RTN4RL1: variants seen among roughly 807,000 people sequenced by gnomAD.
The protein encoded by RTN4RL1 is reticulon-4 receptor-like 1.
A neutral mutation model predicts 25.6 loss-of-function variants in RTN4RL1; 7 were observed. That is an observed-to-expected ratio of 0.27 (90% confidence interval 0.16 to 0.51). The LOEUF (loss-of-function observed/expected upper bound fraction) is 0.51, where lower values mean the gene tolerates loss of function less well. RTN4RL1 is among the 20% of genes least tolerant of loss of function. The pLI is 0.97. For missense variants in RTN4RL1, 500 were observed against 615.6 expected, an observed-to-expected ratio of 0.81 and a Z score of 1.99; for synonymous variants, 297 against 288.2, an observed-to-expected ratio of 1.03 and a Z score of -0.31.
chr17:1,949,861 C>T (rs986650833), intron 1 of RTN4RL1, among the ~76,000 whole-genome samples: 4 of 152,232 alleles, frequency 2.6e-5, no homozygotes, highest in African/African-American at 7.2e-5. Context: ...GAGGGCCTCC[C>T]TCCCTGGGCG....
chr17:1,967,268 C>T (rs1416665334), intron 1 of RTN4RL1, among the ~76,000 whole-genome samples: 1 of 144,360 alleles, frequency 6.9e-6, no homozygotes, highest in Non-Finnish European at 1.6e-5. Flanking sequence ...ACAAAACAAA[C>T]AAAACACTGT....
At chr17:2,008,749 G>A (rs899345433) in intron 1 of RTN4RL1, among the ~76,000 whole-genome samples, 4 of 152,148 alleles carry the variant, frequency 2.6e-5, no homozygotes, top group East Asian at 1.9e-4. Context: ...ACGGGTTGTC[G>A]CGTTGCTCTC....
intron 1 of RTN4RL1, among the ~76,000 whole-genome samples, chr17:1,940,662 G>A (rs1249972923): frequency 6.6e-6 from 1 of 152,090 alleles, no homozygotes; most frequent in African/African-American, 2.4e-5. Context: ...GGGCTGGGAG[G>A]GGGCCCCAAC....
chr17:1,946,226 C>G (rs1567849838), intron 1 of RTN4RL1, among the ~76,000 whole-genome samples: 1 of 152,240 alleles, frequency 6.6e-6, no homozygotes, highest in Non-Finnish European at 1.5e-5. Context: ...CAGGACAGGT[C>G]AGTCATCCAG....
At chr17:1,944,988 T>C (rs1229912244) in intron 1 of RTN4RL1, among the ~76,000 whole-genome samples, 3 of 152,142 alleles carry the variant, frequency 2.0e-5, no homozygotes, top group African/African-American at 7.2e-5. Context: ...AGAGGCCCAG[T>C]TGGATCTGAG....
intron 1 of RTN4RL1, among the ~76,000 whole-genome samples, chr17:2,024,579 C>T (rs538523750): frequency 6.6e-6 from 1 of 152,202 alleles, no homozygotes; most frequent in Non-Finnish European, 1.5e-5. Context: ...CCCCTTCCAC[C>T]ACCGGCCGCT....
chr17:1,970,178 C>T (rs919920281), intron 1 of RTN4RL1, among the ~76,000 whole-genome samples: 6 of 152,122 alleles, frequency 3.9e-5, no homozygotes, highest in Admixed American at 2.6e-4. Flanking sequence ...CATGCCACCA[C>T]GCCTGGCCAA....
At chr17:1,942,441 G>A (rs1358213064) in intron 1 of RTN4RL1, among the ~76,000 whole-genome samples, 1 of 152,254 alleles carries the variant, frequency 6.6e-6, no homozygotes, top group East Asian at 1.9e-4. Flanking sequence ...CCAAGAGCAG[G>A]CAGTCTGGCC....
intron 1 of RTN4RL1, among the ~76,000 whole-genome samples, chr17:1,981,827 G>A (rs1314347984): frequency 6.6e-6 from 1 of 152,242 alleles, no homozygotes; most frequent in African/African-American, 2.4e-5. Flanking sequence ...TCTGAGAAAT[G>A]TATCATCAGA....
intron 1 of RTN4RL1, among the ~76,000 whole-genome samples, chr17:1,976,921 G>A (rs1433963836): frequency 1.3e-5 from 2 of 152,206 alleles, no homozygotes; most frequent in East Asian, 1.9e-4. Context: ...TTGATAACAT[G>A]AGATCAAATG....
Position 2,025,154 on chromosome 17 carries a change from C to G in RTN4RL1, c.-289G>C. The stretch of plus-strand genomic sequence containing the variant: ...CCGCGGAGCCGGCGGCCTGCTTCTG[C>G]CACCCGGAGCACTTCGCAGGCGGTT... On this transcript the variant is annotated 5_prime_UTR_variant, in exon 1 of 2. Coordinates refer to ENST00000331238, the MANE Select transcript of RTN4RL1 (RefSeq NM_178568.4). This position sits in a 1 kb window ranked among gnomAD's most constrained non-coding sequence, Gnocchi z 4.8. 1 of 297,472 alleles carries G rather than the reference C, an allele frequency of 3.4e-6. No individual in the cohort carries two copies. Among genetic ancestry groups the G allele is most frequent in the Non-Finnish European group, 6.2e-6 (1 of 161,564 alleles). 18.4% of individuals were successfully genotyped at this position (297,472 alleles called of 1,614,324 possible).
chr17:1,975,446 T>C (rs1259639420), intron 1 of RTN4RL1, among the ~76,000 whole-genome samples: 2 of 151,906 alleles, frequency 1.3e-5, no homozygotes, highest in East Asian at 3.9e-4. Flanking sequence ...AGGTCAGGAG[T>C]TGGAGACCAG....
chr17:1,979,035 C>T (rs563208049), intron 1 of RTN4RL1, among the ~76,000 whole-genome samples: 13 of 152,354 alleles, frequency 8.5e-5, no homozygotes, highest in African/African-American at 2.9e-4. Flanking sequence ...CACTTTGGGA[C>T]GCCTAGGCGA....
At chr17:1,989,097 C>T (rs1400493366) in intron 1 of RTN4RL1, among the ~76,000 whole-genome samples, 4 of 152,080 alleles carry the variant, frequency 2.6e-5, no homozygotes, top group Non-Finnish European at 5.9e-5. Context: ...GTAATCTAGA[C>T]CACCAATCAG....
Position 1,936,978 on chromosome 17 carries a change from A to G in RTN4RL1, c.844T>C (p.Cys282Arg). ...CCGTGCCGCAGCCCAGGGGACACAC[A>G]GGGGACAGCGGAGCTGGAGCCCCGG... ...RFRGSSSAVP[C>R]VSPGLRHGQD... is the part of the protein sequence containing the mutation. The change falls in exon 2 of 2, where the codon TGT (cysteine) becomes CGT (arginine). Residue 282 changes from cysteine to arginine, a missense_variant. Around this residue, in one of 2 missense-constraint regions of RTN4RL1, gnomAD observed 268 missense variants for 274.5 expected, o/e 0.98. Transcript: ENST00000331238. The G allele has an allele frequency of 6.2e-7, 1 of 1,606,400 alleles. No individual in the cohort carries two copies. The highest frequency in any genetic ancestry group is 1.7e-5 in the Admixed American group (1 of 59,462).
At chr17:1,972,951 C>T (rs543974216) in intron 1 of RTN4RL1, among the ~76,000 whole-genome samples, 3 of 152,164 alleles carry the variant, frequency 2.0e-5, no homozygotes, top group Admixed American at 1.3e-4. Context: ...ATGCAGAGTC[C>T]GACCCCCACC....
Position 2,024,955 on chromosome 17 carries a change from A to C in RTN4RL1, c.-90T>G. The C allele has an allele frequency of 7.2e-7, 1 of 1,386,832 alleles. No homozygotes were observed. The highest frequency in any genetic ancestry group is 9.9e-7 in the Non-Finnish European group (1 of 1,014,332). The allele number at this position is 1,386,832 out of a possible 1,614,324, so 85.9% of individuals were successfully genotyped here. On this transcript the variant is annotated 5_prime_UTR_variant, in exon 1 of 2. Transcript: ENST00000331238. ...AATCCCTGGGCGCCAGCTGCAGCTAATCCGAGCGCGTCGAGGCGGGGGCAA... is the reference window on the plus strand; with the variant it reads ...AATCCCTGGGCGCCAGCTGCAGCTACTCCGAGCGCGTCGAGGCGGGGGCAA...
intron 1 of RTN4RL1, among the ~76,000 whole-genome samples, chr17:2,008,964 C>T (rs577196405): frequency 1.3e-5 from 2 of 152,282 alleles, no homozygotes; most frequent in South Asian, 4.1e-4. Flanking sequence ...GACTGAGCCT[C>T]AGCCCAGGGT....
At chr17:2,024,265 G>A (rs546929286) in intron 1 of RTN4RL1, among the ~76,000 whole-genome samples, 53 of 152,326 alleles carry the variant, frequency 3.5e-4, no homozygotes, top group Middle Eastern at 3.4e-3. Context: ...CATAATGAAA[G>A]TTTGAGGAAC....
Sources: allele counts gnomAD v4.1 joint callset (sites outside exome capture counted in the v4.1 genomes callset), GRCh38; gene constraint gnomAD v4.1.1; regional missense constraint gnomAD v4.1.1; non-coding constraint Gnocchi (gnomAD v3.1); transcripts MANE v1.5; gene names NCBI Gene and HGNC (gene_info 2026-07-23, HGNC 2026-07-21).